Variants in TMCC2 observed in about 807,000 individuals in gnomAD.
TMCC2 encodes the protein transmembrane and coiled-coil domain family 2.
In TMCC2, 16 loss-of-function variants were observed where a neutral mutation model predicts 49.4. That is an observed-to-expected ratio of 0.32 (90% CI 0.22 to 0.49). TMCC2 has a LOEUF of 0.49. TMCC2 is among the 20% of genes least tolerant of loss of function. The pLI is 0.99. For synonymous variants in TMCC2, 397 were observed against 434.1 expected (o/e 0.91, Z 1.06); for missense variants, 762 against 989.8 (o/e 0.77, Z 3.09).
intron 2 of TMCC2, among the ~76,000 whole-genome samples, chr1:205,246,853 G>A (rs902878114): frequency 1.3e-5 from 2 of 152,128 alleles, no homozygotes; most frequent in Non-Finnish European, 2.9e-5. Flanking sequence ...AGACGTTGGG[G>A]TGGGCAGTGG....
chr1:205,258,359 C>T (rs184099730), intron 2 of TMCC2, among the ~76,000 whole-genome samples: 2 of 152,168 alleles, frequency 1.3e-5, no homozygotes, highest in African/African-American at 4.8e-5. Flanking sequence ...GGTTTTGTCA[C>T]CCCCTTGTGC....
intron 2 of TMCC2, among the ~76,000 whole-genome samples, chr1:205,265,921 G>A (rs1433446087): frequency 6.6e-6 from 1 of 151,766 alleles, no homozygotes; most frequent in Non-Finnish European, 1.5e-5. Context: ...CTGGGCATCT[G>A]TGGAAAGGGC....
intron 2 of TMCC2, among the ~76,000 whole-genome samples, chr1:205,249,873 G>C (rs1325869316): frequency 6.6e-6 from 1 of 152,362 alleles, no homozygotes; most frequent in African/African-American, 2.4e-5. Flanking sequence ...CCAGGCCAGG[G>C]CAGGGCAGCT....
chr1:205,268,938 C>T lies in TMCC2; in HGVS notation c.748-12C>T. The stretch of plus-strand genomic sequence containing the variant: ...GTTTACCCATGCTTCCTCTGCCTGC[C>T]TCTTTCCCCAGGTCGATAAGGGAGA... On this transcript the variant is annotated splice_polypyrimidine_tract_variant and intron_variant, in intron 2 of 4. Coordinates refer to ENST00000358024, the MANE Select transcript of TMCC2 (RefSeq NM_014858.4). The T allele has an allele frequency of 6.2e-7, 1 of 1,610,230 alleles. No individual in the cohort carries two copies. Among genetic ancestry groups the T allele is most frequent in the Non-Finnish European group, 8.5e-7 (1 of 1,177,864 alleles).
In TMCC2 at chr1:205,267,993, G is replaced by A. The variant is rs142120288; in HGVS notation, c.748-957G>A. 166 of 985,412 alleles carry A rather than the reference G, an allele frequency of 1.7e-4. 2 individuals are homozygous for A. In the East Asian group the frequency reaches 9.1e-3, roughly 54 times the overall value. 61.0% of individuals were successfully genotyped at this position (985,412 alleles called of 1,614,324 possible). On this transcript the variant is annotated intron_variant, in intron 2 of 4. Coordinates refer to ENST00000358024, the MANE Select transcript of TMCC2 (RefSeq NM_014858.4). ...CTCCTCTCCCAATTCTCGGATACTA[G>A]GAAGGACTGGGGGCTTCCACCATTA...
At chr1:205,251,462 C>CACTGGG (rs1341927779) in intron 2 of TMCC2, among the ~76,000 whole-genome samples, 3 of 152,266 alleles carry the variant, frequency 2.0e-5, no homozygotes, top group African/African-American at 7.2e-5. Flanking sequence ...GATACCCCAC[C>CACTGGG]ACTGGGACCC....
intron 2 of TMCC2, chr1:205,256,121 C>A (rs1404895404): frequency 6.8e-6 from 8 of 1,172,936 alleles, no homozygotes; most frequent in Non-Finnish European, 1.2e-6. Context: ...CTCTTCACAC[C>A]TTCTTGAATT....
At chr1:205,246,050 C>A (rs997934329) in intron 2 of TMCC2, among the ~76,000 whole-genome samples, 1 of 151,982 alleles carries the variant, frequency 6.6e-6, no homozygotes, top group African/African-American at 2.4e-5. Flanking sequence ...GTGCTGTGAA[C>A]GGGGCGTGAG....
intron 2 of TMCC2, chr1:205,257,466 T>C: frequency 8.7e-7 from 1 of 1,143,832 alleles, no homozygotes. Flanking sequence ...TGGGCTGTGC[T>C]TACACTCCAG....
chr1:205,246,426 G>A, intron 2 of TMCC2: 1 of 1,260,002 alleles, frequency 7.9e-7, no homozygotes, highest in Non-Finnish European at 1.0e-6. Flanking sequence ...GGAGTTCTGG[G>A]GAGAGATCCA....
rs1031934146 is a variant in TMCC2, at chr1:205,264,303, CTGT to C, written c.748-4642_748-4640del. Reference sequence around the variant, plus strand: ...TATGAAAATAGAAAATAGTGTGACACTGTTGTTTCTTGTTTTTTGTTTTTTGTT... The same window carrying C: ...TATGAAAATAGAAAATAGTGTGACACTGTTTCTTGTTTTTTGTTTTTTGTT... On this transcript the variant is annotated intron_variant, in intron 2 of 4. Transcript: ENST00000358024. The surrounding 1 kb of genome is among the most constrained non-coding windows in gnomAD (Gnocchi z 4.2). Among the ~76,000 whole-genome samples the C allele has an allele frequency of 6.6e-6, 1 of 152,102 alleles. No individual in the cohort carries two copies. The highest frequency in any genetic ancestry group is 6.6e-5 in the Admixed American group (1 of 15,264).
intron 2 of TMCC2, chr1:205,257,058 G>T: frequency 1.3e-6 from 1 of 779,936 alleles, no homozygotes; most frequent in Non-Finnish European, 1.7e-6. Flanking sequence ...TTGTGGAGGG[G>T]CATCTCATCA....
chr1:205,269,694 G>A lies in TMCC2; in HGVS notation c.1492G>A (p.Gly498Ser). 6.2e-7 allele frequency: 1 copy of A among 1,614,064 alleles called. No individual in the cohort carries two copies. The highest frequency in any genetic ancestry group is 8.5e-7 in the Non-Finnish European group (1 of 1,179,968). The change falls in exon 3 of 5, where the codon GGT (glycine) becomes AGT (serine). Residue 498 changes from glycine to serine, a missense_variant. By Grantham distance (56) the Gly-to-Ser change is moderately conservative. Coordinates refer to ENST00000358024, the MANE Select transcript of TMCC2 (RefSeq NM_014858.4). ...AGGCAGCAACTCTGGGGCTGGGCCT[G>A]GTGGGGCGCTGGGGAGCCCTAAGTC... ...GAGSNSGAGP[G>S]GALGSPKSNA...
rs772354233 is a variant in TMCC2 at position 205,228,517 on chromosome 1, A to G, written c.-48A>G. ...ATAAGAGGGGGTGCGGTCTTCCCCA[A>G]GACGGCGCGCTGGAAGGACAGATTC... On this transcript the variant is annotated 5_prime_UTR_variant, in exon 1 of 5. Transcript: ENST00000358024. The G allele has an allele frequency of 2.6e-6, 4 of 1,548,764 alleles. No individual in the cohort carries two copies. The African/African-American group carries it at 4.1e-5, about 16-fold the overall frequency.
In TMCC2 at chr1:205,272,829, G is replaced by T. The variant is rs937041558; in HGVS notation, c.*705G>T. On this transcript the variant is annotated 3_prime_UTR_variant, in exon 5 of 5. Transcript: ENST00000358024. Reference sequence around the variant, plus strand: ...TATTTTCAGGGAAACAGGCCCCAGGGCCCCCCTGAGCCTCACCCTAAGCCC... The same window carrying T: ...TATTTTCAGGGAAACAGGCCCCAGGTCCCCCCTGAGCCTCACCCTAAGCCC... The T allele has an allele frequency of 1.3e-5, 2 of 152,802 alleles. No homozygotes were observed. The highest frequency in any genetic ancestry group is 2.4e-5 in the African/African-American group (1 of 41,444). 9.5% of individuals were successfully genotyped at this position (152,802 alleles called of 1,614,324 possible).
intron 2 of TMCC2, among the ~76,000 whole-genome samples, chr1:205,253,819 G>T (rs551475090): frequency 1.3e-5 from 2 of 152,348 alleles, no homozygotes; most frequent in African/African-American, 4.8e-5. Context: ...CTGGAATACT[G>T]TGGTTTGTGT....
chr1:205,242,347 A>G (rs1660306147), intron 2 of TMCC2, among the ~76,000 whole-genome samples: 1 of 152,234 alleles, frequency 6.6e-6, no homozygotes, highest in African/African-American at 2.4e-5. Context: ...TAGGTATAGT[A>G]GTTTAAAGCA....
chr1:205,256,381 A>C (rs1271211043), intron 2 of TMCC2: 2 of 1,551,052 alleles, frequency 1.3e-6, no homozygotes, highest in Non-Finnish European at 1.7e-6. Context: ...TCCTGCTGGC[A>C]CTGTCAAGAT....
rs1659662740 is a variant in TMCC2, at chr1:205,228,668, C to G, written c.104C>G (p.Pro35Arg). ...CACCTGCCGGGCGCGGACCTCCGGC[C>G]TGGGGAGACCACGGGTGCTAACTCT... ...ASHLPGADLR[P>R]GETTGANSAG... is the part of the protein sequence containing the mutation. Residue 35 changes from proline to arginine, a missense_variant, in exon 1 of 5, where the codon CCT becomes CGT. Around this residue, in one of 2 missense-constraint regions of TMCC2, gnomAD observed 322 missense variants for 353.1 expected, o/e 0.91. Coordinates refer to ENST00000358024, the MANE Select transcript of TMCC2 (RefSeq NM_014858.4). 1.2e-6 allele frequency: 2 copies of G among 1,612,988 alleles called. No individual in the cohort carries two copies. Among genetic ancestry groups the G allele is most frequent in the African/African-American group, 1.3e-5 (1 of 74,906 alleles).
Sources: gnomAD v4.1 joint callset for allele counts (sites outside exome capture counted in the v4.1 genomes callset) on GRCh38, gnomAD v4.1.1 for gene constraint, gnomAD v4.1.1 regional missense constraint, Gnocchi (gnomAD v3.1) non-coding constraint, MANE v1.5 for transcripts, NCBI Gene and HGNC (gene_info 2026-07-23, HGNC 2026-07-21) for gene names.